Variants in KTN1 observed in about 807,000 individuals in gnomAD.
KTN1 encodes the protein kinectin.
In KTN1, 130 loss-of-function variants were observed where a neutral mutation model predicts 222.5. The ratio of observed to expected loss-of-function variants is 0.58; its 90% CI spans 0.51 to 0.68. The LOEUF is 0.68. KTN1 is among the 30% of genes least tolerant of loss of function. The pLI, the probability that KTN1 is intolerant of heterozygous loss-of-function variation, is 0.00. For synonymous variants in KTN1, 512 were observed against 496.3 expected, an observed-to-expected ratio of 1.03 and a Z score of -0.42; for missense variants, 1,508 against 1,500.4, an observed-to-expected ratio of 1.01 and a Z score of -0.08.
At chr14:55,637,442 A>G (rs1284679837) in intron 11 of KTN1, 78 bp downstream of exon 11, 3 of 987,888 alleles carry the variant, frequency 3.0e-6, no homozygotes, top group South Asian at 1.9e-5. Context: ...AAGAGAGACT[A>G]AAGTCTACCT....
At chr14:55,635,136 G>A (rs1327160638) in intron 9 of KTN1, among the ~76,000 whole-genome samples, 1 of 152,126 alleles carries the variant, frequency 6.6e-6, no homozygotes, top group Non-Finnish European at 1.5e-5. Flanking sequence ...ATAGTTTGAA[G>A]CTTAATGGGA....
At chr14:55,616,241 C>T (rs897767226) in intron 2 of KTN1, among the ~76,000 whole-genome samples, 2 of 152,042 alleles carry the variant, frequency 1.3e-5, no homozygotes, top group African/African-American at 4.8e-5. Context: ...TGAGCAGCTG[C>T]ACCTTGCTGT....
chr14:55,661,598 A>G lies in KTN1; in HGVS notation c.3076A>G (p.Arg1026Gly). ...DSLKDAVEHQ[R>G]KKNNDLREKN... ...TTTGAAGGATGCAGTTGAACACCAG[A>G]GGAAGAAAAACAATGTAAGTAGATC... The change falls in exon 32 of 44, where the codon AGG becomes GGG. Residue 1026 changes from arginine to glycine, a missense_variant. Coordinates refer to ENST00000395314, the MANE Select transcript of KTN1 (RefSeq NM_001079521.2). 5.8e-6 allele frequency: 9 copies of G among 1,563,572 alleles called. No homozygotes were observed. The highest frequency in any genetic ancestry group is 7.9e-6 in the Non-Finnish European group (9 of 1,134,772).
chr14:55,636,083 G>C (rs1230488635), intron 9 of KTN1, among the ~76,000 whole-genome samples: 1 of 152,110 alleles, frequency 6.6e-6, no homozygotes, highest in Non-Finnish European at 1.5e-5. Context: ...TAGCAATAAA[G>C]ACACCATCCT....
At chr14:55,644,874 T>G (rs903698359) in intron 18 of KTN1, among the ~76,000 whole-genome samples, 1 of 152,050 alleles carries the variant, frequency 6.6e-6, no homozygotes, top group African/African-American at 2.4e-5. Context: ...AATAGAGTAT[T>G]TGATGAGCTG....
At chr14:55,674,592 A>G (rs568340921) in intron 40 of KTN1, 4 of 152,182 alleles carry the variant, frequency 2.6e-5, no homozygotes, top group South Asian at 4.1e-4. Flanking sequence ...TGTCATGGCT[A>G]TAAGTCCTCA....
chr14:55,581,215 G>T (rs1003413504), intron 1 of KTN1, among the ~76,000 whole-genome samples: 5 of 152,166 alleles, frequency 3.3e-5, no homozygotes, highest in East Asian at 1.9e-4. Flanking sequence ...CGGTGAAGGC[G>T]CTGGGTGCAC....
intron 21 of KTN1, 74 bp from the exon 22 acceptor site, chr14:55,649,702 A>C (rs1163598841): frequency 3.5e-6 from 3 of 862,916 alleles, no homozygotes; most frequent in East Asian, 5.1e-5. Context: ...AAATCTAAGG[A>C]TAATGTGCAT....
At chr14:55,672,844 C>A in intron 38 of KTN1, 85 bp from the exon 39 acceptor site, 3 of 1,146,416 alleles carry the variant, frequency 2.6e-6, no homozygotes, top group African/African-American at 1.5e-5. Flanking sequence ...GTTTTATATT[C>A]ATAAGTGTCA....
intron 12 of KTN1, among the ~76,000 whole-genome samples, chr14:55,638,616 T>C (rs961033711): frequency 6.6e-6 from 1 of 151,866 alleles, no homozygotes; most frequent in Non-Finnish European, 1.5e-5. Flanking sequence ...TAGTCTAAAG[T>C]AATTGAGGAA....
chr14:55,653,548 C>T lies in KTN1; in HGVS notation c.2764-11C>T. The T allele has an allele frequency of 6.2e-7, 1 of 1,605,168 alleles. No individual in the cohort carries two copies. The highest frequency in any genetic ancestry group is 1.7e-4 in the Middle Eastern group (1 of 6,028). ...TGCTAACAGCATTAAAAATATGATT[C>T]TGTTTCTCAGGCCTCTTCTGCATCA... On this transcript the variant is annotated splice_polypyrimidine_tract_variant and intron_variant, in intron 27 of 43. Coordinates refer to ENST00000395314, the MANE Select transcript of KTN1 (RefSeq NM_001079521.2).
Position 55,671,697 on chromosome 14 carries a change from A to T in KTN1, c.3438+42A>T, listed in dbSNP as rs759040774. On this transcript the variant is annotated intron_variant, in intron 36 of 43. Coordinates refer to ENST00000395314, the MANE Select transcript of KTN1 (RefSeq NM_001079521.2). ...AATCTACATTTTGATTTTACTTTAA[A>T]TCATTACCTTCTTCCTTCATGGCCT... 57 of 1,550,974 alleles carry T rather than the reference A, an allele frequency of 3.7e-5. No homozygotes were observed. The Admixed American group carries it at 9.8e-4, about 27-fold the overall frequency.
At chr14:55,609,102 C>T (rs2140560488) in intron 1 of KTN1, among the ~76,000 whole-genome samples, 1 of 151,832 alleles carries the variant, frequency 6.6e-6, no homozygotes, top group Non-Finnish European at 1.5e-5. Context: ...ATATGTGTGT[C>T]ATGGTGGTTT....
In KTN1 at chr14:55,628,007, T is replaced by G. The variant is rs141376736; in HGVS notation, c.1059T>G (p.Asp353Glu). ...AVKEDAAATKDRCKQLTQEMM... is the reference protein window; with the variant it reads ...AVKEDAAATKERCKQLTQEMM... ...AGGAAGATGCTGCTGCTACAAAGGATCGGTGTAAGCAGTTAACCCAGGTGA... is the reference window on the plus strand; with the variant it reads ...AGGAAGATGCTGCTGCTACAAAGGAGCGGTGTAAGCAGTTAACCCAGGTGA... The change falls in exon 6 of 44, where the codon GAT (aspartate) becomes GAG (glutamate). Residue 353 changes from aspartate to glutamate, a missense_variant. By Grantham distance (45) the Asp-to-Glu change is conservative. Transcript: ENST00000395314. 50 of 1,612,708 alleles carry G rather than the reference T, an allele frequency of 3.1e-5. No individual in the cohort carries two copies. In the African/African-American group the frequency reaches 6.0e-4, roughly 19 times the overall value.
At chr14:55,653,132 T>C in intron 27 of KTN1, 47 bp downstream of exon 27, 10 of 1,264,202 alleles carry the variant, frequency 7.9e-6, no homozygotes, top group Non-Finnish European at 1.1e-5. Flanking sequence ...GAATGATAAA[T>C]CTTTGTTTAA....
At chr14:55,651,483 A>G in intron 24 of KTN1, 1 of 412,076 alleles carries the variant, frequency 2.4e-6, no homozygotes, top group South Asian at 1.8e-5. Context: ...CTGATACAGT[A>G]GGGAGGTGTG....
chr14:55,637,133 G>A (rs1400639154), intron 10 of KTN1, 65 bp from the exon 11 acceptor site: 20 of 1,235,136 alleles, frequency 1.6e-5, no homozygotes, highest in African/African-American at 3.1e-5. Context: ...ATGCCTACAC[G>A]AAAGATGAGT....
rs2140933029 is a variant in KTN1, at chr14:55,633,216, G to A, written c.1222-19G>A. ...ACAGTCTTTGTTTTCTAAGTTTTAT[G>A]TGTGTAAAATAATTTTAGTTTCAGC... is the stretch of plus-strand genomic sequence containing the variant. On this transcript the variant is annotated intron_variant, in intron 7 of 43. Transcript: ENST00000395314. The A allele has an allele frequency of 6.9e-7, 1 of 1,444,526 alleles. No individual in the cohort carries two copies. 89.5% of individuals were successfully genotyped at this position (1,444,526 alleles called of 1,614,324 possible).
chr14:55,671,225 T>C (rs889535269), intron 35 of KTN1: 9 of 268,918 alleles, frequency 3.3e-5, no homozygotes, highest in African/African-American at 2.0e-4. Flanking sequence ...GGATTTATTA[T>C]TATTGTTTTC....
Sources: gnomAD v4.1 joint callset for allele counts (sites outside exome capture counted in the v4.1 genomes callset) on GRCh38, gnomAD v4.1.1 for gene constraint, MANE v1.5 for transcripts, NCBI Gene and HGNC (gene_info 2026-07-23, HGNC 2026-07-21) for gene names.